CSDE1: variants seen among roughly 807,000 people sequenced by gnomAD.
CSDE1 encodes the protein cold shock domain-containing protein E1.
CSDE1 carries 17 observed loss-of-function variants against 89.3 expected under a neutral mutation model. That is an observed-to-expected ratio of 0.19 (90% CI 0.13 to 0.29). The LOEUF is 0.29. Among genes scored for constraint, CSDE1 ranks in the 10% least tolerant of loss-of-function variants. The pLI, the probability that CSDE1 is intolerant of heterozygous loss-of-function variation, is 1.00. For synonymous variants in CSDE1, 322 were observed against 332.8 expected (o/e 0.97, Z 0.35); for missense variants, 672 against 984.2 (o/e 0.68, Z 4.24).
rs199569143 is a variant in CSDE1 at position 114,753,081 on chromosome 1, G to A, written c.-387-2874C>T. ...TATATAGTTTTAATTATCCAATCAA[G>A]AAATAATCTCTTCTTTAAAAAATAC... On this transcript the variant is annotated intron_variant, in intron 1 of 19. Transcript: ENST00000358528. 2.0e-5 allele frequency among the ~76,000 whole-genome samples: 3 copies of A among 152,224 alleles called. No homozygotes were observed. The East Asian group carries it at 5.8e-4, about 29-fold the overall frequency.
At chr1:114,744,702 A>G (rs1476576152) in intron 2 of CSDE1, among the ~76,000 whole-genome samples, 1 of 152,216 alleles carries the variant, frequency 6.6e-6, no homozygotes, top group Non-Finnish European at 1.5e-5. Context: ...TCAATTAAAA[A>G]AAAATCACAA....
Position 114,720,595 on chromosome 1 carries a change from T to C in CSDE1, c.1996A>G (p.Met666Val). The C allele has an allele frequency of 6.2e-7, 1 of 1,614,144 alleles. No individual in the cohort carries two copies. Among genetic ancestry groups the C allele is most frequent in the Non-Finnish European group, 8.5e-7 (1 of 1,180,016 alleles). The change falls in exon 17 of 20, where the codon ATG becomes GTG. Residue 666 changes from methionine to valine, a missense_variant. Met to Val is a conservative substitution (Grantham distance 21). Coordinates refer to ENST00000358528, the MANE Select transcript of CSDE1 (RefSeq NM_001007553.3). ...LCVLGQNAQT[M>V]AYNITPLRRA... ...CGCAGGGGTGTGATGTTGTAAGCCA[T>C]AGTTTGTGCATTTTGGCCCAGGACA...
rs1660616602 is a variant in CSDE1, at chr1:114,739,731, A to T, written c.160T>A (p.Ser54Thr). ...TCTTGCAGGTTGCCATTATACTGTG[A>T]ACAGTGGAAGAAAAGTCTAGCTTGA... is the stretch of plus-strand genomic sequence containing the variant. ...ERQARLFFHC[S>T]QYNGNLQDLK... The change falls in exon 3 of 20, where the codon TCA becomes ACA. Residue 54 changes from serine (S) to threonine (T), a missense_variant. By Grantham distance (58) the Ser-to-Thr change is moderately conservative (BLOSUM62 1). Around this residue, in one of 8 missense-constraint regions of CSDE1, gnomAD observed 34 missense variants for 73.3 expected, o/e 0.46. Transcript: ENST00000358528. 1 of 1,613,998 alleles carries T rather than the reference A, an allele frequency of 6.2e-7. No individual in the cohort carries two copies. The highest frequency in any genetic ancestry group is 1.3e-5 in the African/African-American group (1 of 74,938).
Position 114,733,771 on chromosome 1 carries a change from A to G in CSDE1, c.798T>C (p.Thr266=). 2 of 1,613,866 alleles carry G rather than the reference A, an allele frequency of 1.2e-6. No homozygotes were observed. The highest frequency in any genetic ancestry group is 1.7e-6 in the Non-Finnish European group (2 of 1,179,898). ...GTACTTTTGGGATAACTTTGGTTAC[A>G]GTTCCTTCAAAATGTTCAATGCTGA... The part of the protein sequence containing the change: ...EDISIEHFEG[T]VTKVIPKVPS... The change falls in exon 9 of 20, where the codon ACT becomes ACC. Residue 266 remains threonine, a synonymous_variant. Coordinates refer to ENST00000358528, the MANE Select transcript of CSDE1 (RefSeq NM_001007553.3).
intron 2 of CSDE1, among the ~76,000 whole-genome samples, chr1:114,741,369 A>G (rs1660717872): frequency 6.6e-6 from 1 of 152,212 alleles, no homozygotes; most frequent in African/African-American, 2.4e-5. Flanking sequence ...TAAGACCCTA[A>G]TCTACTGAAG....
intron 2 of CSDE1, among the ~76,000 whole-genome samples, chr1:114,747,680 A>G (rs775274554): frequency 3.7e-4 from 56 of 152,128 alleles, no homozygotes; most frequent in Middle Eastern, 3.2e-3. Flanking sequence ...CAACACGGTG[A>G]AACCCCGTCT....
At chr1:114,749,678 TTGA>T (rs1661207011) in intron 2 of CSDE1, 140 bp downstream of exon 2, 1 of 152,366 alleles carries the variant, frequency 6.6e-6, no homozygotes, top group African/African-American at 2.4e-5. Flanking sequence ...AGAGATAGTG[TTGA>T]TATTTCATAC....
chr1:114,743,502 C>T (rs1660847236), intron 2 of CSDE1, among the ~76,000 whole-genome samples: 1 of 152,082 alleles, frequency 6.6e-6, no homozygotes, highest in Non-Finnish European at 1.5e-5. Context: ...TGCACTTGGC[C>T]TCATGTTTAG....
At chr1:114,740,516 G>A (rs539701024) in intron 2 of CSDE1, among the ~76,000 whole-genome samples, 1 of 152,112 alleles carries the variant, frequency 6.6e-6, no homozygotes, top group Non-Finnish European at 1.5e-5. Flanking sequence ...GACAGCAAAA[G>A]CATTTCCATT....
At chr1:114,754,067 CA>C (rs1197110317) in intron 1 of CSDE1, among the ~76,000 whole-genome samples, 2 of 152,366 alleles carry the variant, frequency 1.3e-5, no homozygotes, top group East Asian at 3.9e-4. Context: ...TTAATCACTG[CA>C]ATCTCCACCT....
chr1:114,739,312 T>C (rs751260268), intron 3 of CSDE1, among the ~76,000 whole-genome samples: 16 of 152,310 alleles, frequency 1.1e-4, no homozygotes, highest in Non-Finnish European at 2.2e-4. Context: ...ATTACAGGCG[T>C]AAGCCACCGC....
At chr1:114,756,153 C>T (rs994242496) in intron 1 of CSDE1, among the ~76,000 whole-genome samples, 1 of 152,156 alleles carries the variant, frequency 6.6e-6, no homozygotes, top group Non-Finnish European at 1.5e-5. Flanking sequence ...CCCACACTCG[C>T]TAAAGGTCAC....
At position 114,718,069 on chromosome 1, in the gene CSDE1, C is replaced by T. The variant is rs191181816; in HGVS notation, c.*100G>A. The T allele has an allele frequency of 3.4e-5, 40 of 1,193,436 alleles. 1 individual carries two copies. The highest frequency in any genetic ancestry group is 5.3e-5 in the Admixed American group (3 of 56,238). 73.9% of individuals were successfully genotyped at this position (1,193,436 alleles called of 1,614,324 possible). On this transcript the variant is annotated 3_prime_UTR_variant, in exon 20 of 20. Transcript: ENST00000358528. The stretch of plus-strand genomic sequence containing the variant: ...GTAATAGCTCAATAGAATAAGTATT[C>T]CAGATTTCGGGAGGGATGAAGAGGG...
intron 1 of CSDE1, among the ~76,000 whole-genome samples, chr1:114,754,729 T>G (rs1661498082): frequency 6.6e-6 from 1 of 152,200 alleles, no homozygotes. Flanking sequence ...ACCTAAGTCA[T>G]CTGTTGAGTA....
chr1:114,744,951 C>T (rs548900689), intron 2 of CSDE1, among the ~76,000 whole-genome samples: 1 of 152,000 alleles, frequency 6.6e-6, no homozygotes, highest in African/African-American at 2.4e-5. Flanking sequence ...ATAAATCATT[C>T]TTGAATATCA....
At chr1:114,740,551 GGT>G (rs1292237107) in intron 2 of CSDE1, among the ~76,000 whole-genome samples, 3 of 152,124 alleles carry the variant, frequency 2.0e-5, no homozygotes, top group Non-Finnish European at 4.4e-5. Context: ...TCATTTCACA[GGT>G]ACATTTAAAG....
intron 6 of CSDE1, among the ~76,000 whole-genome samples, 176 bp downstream of exon 6, chr1:114,736,582 C>G (rs1383267967): frequency 6.6e-6 from 1 of 151,980 alleles, no homozygotes; most frequent in Non-Finnish European, 1.5e-5. Context: ...CCTCTGAGAC[C>G]CTGCATCATG....
intron 6 of CSDE1, 71 bp from the exon 7 acceptor site, chr1:114,734,594 G>T: frequency 1.7e-6 from 2 of 1,182,594 alleles, no homozygotes; most frequent in Non-Finnish European, 2.4e-6. Flanking sequence ...GCTTAGATAT[G>T]AGTCTAAAGA....
intron 8 of CSDE1, 45 bp downstream of exon 8, chr1:114,733,944 C>T: frequency 6.2e-7 from 1 of 1,606,910 alleles, no homozygotes. Context: ...CATAAACCAA[C>T]TCTGATCTTA....
Sources: gnomAD v4.1 joint callset for allele counts (sites outside exome capture counted in the v4.1 genomes callset) on GRCh38, gnomAD v4.1.1 for gene constraint, gnomAD v4.1.1 regional missense constraint, MANE v1.5 for transcripts, NCBI Gene and HGNC (gene_info 2026-07-23, HGNC 2026-07-21) for gene names.